CYP39A1: variants seen among roughly 807,000 people sequenced by gnomAD.
CYP39A1 encodes the protein cytochrome P450 family 39 subfamily A member 1, also known as 24-hydroxycholesterol 7-alpha-hydroxylase.
A neutral mutation model predicts 58.1 loss-of-function variants in CYP39A1; 49 were observed. That is an observed-to-expected ratio of 0.84 (90% CI 0.67 to 1.07). The LOEUF is 1.07. Ranked by LOEUF, CYP39A1 falls within the 50% of genes least tolerant of loss-of-function variation. The pLI is 0.00. For synonymous variants in CYP39A1, 209 were observed against 187.6 expected (o/e 1.11, Z -0.93); for missense variants, 531 against 539.4 (o/e 0.98, Z 0.16).
At chr6:46,601,088 T>A (rs1228353054) in intron 7 of CYP39A1, among the ~76,000 whole-genome samples, 1 of 152,204 alleles carries the variant, frequency 6.6e-6, no homozygotes, top group East Asian at 1.9e-4. Flanking sequence ...TGAAGAGAAC[T>A]GGAGAATTGT....
In CYP39A1 at chr6:46,652,714, T is replaced by G. The variant is rs1471357988; in HGVS notation, c.-132A>C. On this transcript the variant is annotated 5_prime_UTR_variant, in exon 1 of 12. Coordinates refer to ENST00000275016, the MANE Select transcript of CYP39A1 (RefSeq NM_016593.5). ...CTGCAACTTTTGCAGCTCTCCTTCGTAACTGTAGCTTCCTTCCTCTGTCCC... is the reference window on the plus strand; with the variant it reads ...CTGCAACTTTTGCAGCTCTCCTTCGGAACTGTAGCTTCCTTCCTCTGTCCC... The G allele has an allele frequency of 9.1e-6, 7 of 768,656 alleles. No homozygotes were observed. The highest frequency in any genetic ancestry group is 2.8e-5 in the Admixed American group (1 of 35,668). The allele number at this position is 768,656 out of a possible 1,614,324, so 47.6% of individuals were successfully genotyped here.
In CYP39A1 at chr6:46,631,042, A is replaced by G; in HGVS notation, c.761T>C (p.Val254Ala). The G allele has an allele frequency of 6.2e-7, 1 of 1,613,996 alleles. No homozygotes were observed. Among genetic ancestry groups the G allele is most frequent in the Non-Finnish European group, 8.5e-7 (1 of 1,179,952 alleles). Residue 254 changes from valine (V) to alanine (A), a missense_variant, in exon 6 of 12, where the codon GTA becomes GCA. Transcript: ENST00000275016. ...GTTTTCCTTACTTGTTTCCGTCTCT[A>G]CAATATCCAGCGTAGCTTGCAATAA... Reference protein sequence around the residue: ...MTLLQATLDIVETETSKENSP... With the variant: ...MTLLQATLDIAETETSKENSP...
chr6:46,652,497 G>A lies in CYP39A1; in HGVS notation c.86C>T (p.Pro29Leu). 6.2e-7 allele frequency: 1 copy of A among 1,613,812 alleles called. No individual in the cohort carries two copies. Among genetic ancestry groups the A allele is most frequent in the Non-Finnish European group, 8.5e-7 (1 of 1,179,900 alleles). ...LLLQRKNLRR[P>L]PCIKGWIPWI... ...AGGAATCCAGCCCTTGATGCACGGG[G>A]GTCTACGCAAATTCTTCCGCTGAAG... Residue 29 changes from proline (P) to leucine (L), a missense_variant, in exon 1 of 12, where the codon CCC (proline) becomes CTC (leucine). Transcript: ENST00000275016.
chr6:46,636,720 G>A (rs1048801771), intron 4 of CYP39A1, among the ~76,000 whole-genome samples: 2 of 152,194 alleles, frequency 1.3e-5, no homozygotes, highest in Non-Finnish European at 2.9e-5. Flanking sequence ...AGTCCTACTG[G>A]ATTGGCACTG....
intron 7 of CYP39A1, among the ~76,000 whole-genome samples, chr6:46,596,985 AGAC>A (rs774632219): frequency 2.6e-5 from 4 of 152,148 alleles, no homozygotes; most frequent in Non-Finnish European, 5.9e-5. Context: ...ATTTGCTTTC[AGAC>A]CATCTTGGGA....
chr6:46,584,313 TA>T, intron 10 of CYP39A1, among the ~76,000 whole-genome samples: 1 of 152,258 alleles, frequency 6.6e-6, no homozygotes, highest in Middle Eastern at 3.4e-3. Flanking sequence ...TTAAGTGATA[TA>T]TATATTTTGA....
intron 7 of CYP39A1, among the ~76,000 whole-genome samples, chr6:46,606,395 T>C (rs987786825): frequency 1.3e-5 from 2 of 152,158 alleles, no homozygotes; most frequent in Non-Finnish European, 2.9e-5. Flanking sequence ...TTCTTTAGTG[T>C]AAAAGACCTT....
At chr6:46,577,522 T>C (rs903201763) in intron 10 of CYP39A1, among the ~76,000 whole-genome samples, 1 of 152,114 alleles carries the variant, frequency 6.6e-6, no homozygotes, top group Non-Finnish European at 1.5e-5. Context: ...GTATTCTGTC[T>C]TCAAGAGGCC....
intron 10 of CYP39A1, among the ~76,000 whole-genome samples, chr6:46,569,164 T>C (rs1771449556): frequency 1.3e-5 from 2 of 152,130 alleles, no homozygotes; most frequent in African/African-American, 4.8e-5. Flanking sequence ...ATTGCTTTCA[T>C]AGTTTCCTTG....
chr6:46,604,000 G>C (rs1054317004), intron 7 of CYP39A1, among the ~76,000 whole-genome samples: 11 of 152,054 alleles, frequency 7.2e-5, no homozygotes, highest in Non-Finnish European at 7.4e-5. Context: ...ATAGTATCTG[G>C]ATAACCCTGT....
Position 46,594,289 on chromosome 6 carries a change from A to C in CYP39A1, c.1065+1698T>G, listed in dbSNP as rs1035051280. On this transcript the variant is annotated intron_variant, in intron 8 of 11. Transcript: ENST00000275016. Reference sequence around the variant, plus strand: ...TGCTCAATGGAATTCAAGAAATTACATAATATATGCTATCAAAATTCTAAT... The same window carrying C: ...TGCTCAATGGAATTCAAGAAATTACCTAATATATGCTATCAAAATTCTAAT... 1.5e-3 allele frequency among the ~76,000 whole-genome samples: 222 copies of C among 152,282 alleles called. 2 individuals carry two copies. Among genetic ancestry groups the C allele is most frequent in the Non-Finnish European group, 1.6e-4 (11 of 67,996 alleles).
intron 10 of CYP39A1, among the ~76,000 whole-genome samples, chr6:46,584,949 C>T (rs971152412): frequency 3.4e-4 from 52 of 152,138 alleles, no homozygotes; most frequent in Non-Finnish European, 6.9e-4. Context: ...AGTTGTTTCT[C>T]ATGTGGGTTG....
chr6:46,563,147 C>G (rs1482415749), intron 10 of CYP39A1, among the ~76,000 whole-genome samples: 1 of 150,926 alleles, frequency 6.6e-6, no homozygotes, highest in African/African-American at 2.4e-5. Flanking sequence ...TTTTTAAAGC[C>G]TTTACTATGT....
At chr6:46,637,485 GT>G (rs1457185687) in intron 4 of CYP39A1, among the ~76,000 whole-genome samples, 1 of 152,198 alleles carries the variant, frequency 6.6e-6, no homozygotes, top group Non-Finnish European at 1.5e-5. Flanking sequence ...GGAGCACAGT[GT>G]CTGATTCTGA....
At chr6:46,636,288 A>C in intron 5 of CYP39A1, 101 bp downstream of exon 5, 1 of 784,598 alleles carries the variant, frequency 1.3e-6, no homozygotes, top group Non-Finnish European at 2.1e-6. Flanking sequence ...TGACACAAAA[A>C]TGGTATCTAA....
chr6:46,642,536 C>A (rs1423092733), intron 1 of CYP39A1, among the ~76,000 whole-genome samples: 4 of 151,920 alleles, frequency 2.6e-5, no homozygotes, highest in Non-Finnish European at 5.9e-5. Context: ...TTTATAGCTT[C>A]TTTTCTTGTA....
At chr6:46,639,726 A>AAT (rs776741531) in intron 2 of CYP39A1, 58 bp from the exon 3 acceptor site, 28 of 1,413,624 alleles carry the variant, frequency 2.0e-5, no homozygotes, top group Non-Finnish European at 2.5e-5. Flanking sequence ...ACACACAGTC[A>AAT]ATATATATCT....
intron 1 of CYP39A1, among the ~76,000 whole-genome samples, chr6:46,646,102 A>ATTTTC (rs1050123747): frequency 2.6e-5 from 4 of 151,992 alleles, no homozygotes; most frequent in Non-Finnish European, 4.4e-5. Flanking sequence ...ATCCATATAT[A>ATTTTC]TTTTCTTTTC....
At chr6:46,551,957 CTT>C (rs536888900) in intron 11 of CYP39A1, among the ~76,000 whole-genome samples, 22 of 152,024 alleles carry the variant, frequency 1.4e-4, no homozygotes, top group Non-Finnish European at 2.2e-4. Flanking sequence ...CAGACTTGTA[CTT>C]TTTATAACCT....
Sources: allele counts gnomAD v4.1 joint callset (sites outside exome capture counted in the v4.1 genomes callset), GRCh38; gene constraint gnomAD v4.1.1; transcripts MANE v1.5; gene names NCBI Gene and HGNC (gene_info 2026-07-23, HGNC 2026-07-21).